GRIK2: variants seen among roughly 807,000 people sequenced by gnomAD.
GRIK2 encodes the protein glutamate receptor ionotropic, kainate 2.
GRIK2 carries 32 observed loss-of-function variants against 100.3 expected under a neutral mutation model. The ratio of observed to expected loss-of-function variants is 0.32; its 90% CI spans 0.24 to 0.43. The LOEUF (loss-of-function observed/expected upper bound fraction) is 0.43, where lower values mean the gene tolerates loss of function less well. GRIK2 is among the 20% of genes least tolerant of loss of function. The pLI is 1.00. For missense variants in GRIK2, 843 were observed against 1,114.9 expected, an observed-to-expected ratio of 0.76 and a Z score of 3.47; for synonymous variants, 417 against 389.4, an observed-to-expected ratio of 1.07 and a Z score of -0.83.
At chr6:102,021,178 A>G (rs1447837294) in intron 14 of GRIK2, among the ~76,000 whole-genome samples, 1 of 151,796 alleles carries the variant, frequency 6.6e-6, no homozygotes, top group South Asian at 2.1e-4. Context: ...TAGTTAAAGT[A>G]AAAGTTCAAA....
At chr6:101,518,080 A>G (rs1261056255) in intron 2 of GRIK2, among the ~76,000 whole-genome samples, 1 of 147,018 alleles carries the variant, frequency 6.8e-6, no homozygotes, top group Non-Finnish European at 1.5e-5. Flanking sequence ...CAAATAAGCT[A>G]TTATGAATGT....
At chr6:101,582,112 C>T (rs1039187565) in intron 2 of GRIK2, among the ~76,000 whole-genome samples, 13 of 151,740 alleles carry the variant, frequency 8.6e-5, no homozygotes, top group African/African-American at 2.9e-4. Context: ...GATACATGTG[C>T]AGAACGTACA....
chr6:101,816,058 A>G (rs1237697249), intron 9 of GRIK2, among the ~76,000 whole-genome samples: 1 of 152,166 alleles, frequency 6.6e-6, no homozygotes, highest in African/African-American at 2.4e-5. Context: ...TTATTTTTAT[A>G]AAAGTAATAA....
intron 2 of GRIK2, among the ~76,000 whole-genome samples, chr6:101,440,155 A>T (rs968454047): frequency 2.0e-5 from 3 of 152,158 alleles, no homozygotes; most frequent in African/African-American, 7.2e-5. Flanking sequence ...TCAAAGAAAA[A>T]TATTTCCCTG....
At chr6:101,782,988 G>T (rs570496510) in intron 7 of GRIK2, among the ~76,000 whole-genome samples, 1 of 151,486 alleles carries the variant, frequency 6.6e-6, no homozygotes, top group Non-Finnish European at 1.5e-5. Context: ...TCCTGAGTAG[G>T]TGGGACTACA....
At chr6:101,862,061 C>CT (rs1046207179) in intron 11 of GRIK2, among the ~76,000 whole-genome samples, 15 of 152,036 alleles carry the variant, frequency 9.9e-5, no homozygotes, top group African/African-American at 3.6e-4. Flanking sequence ...AAACAGTTTC[C>CT]TTTTTTTAGA....
At chr6:101,861,775 A>G (rs1414423928) in intron 11 of GRIK2, among the ~76,000 whole-genome samples, 1 of 152,164 alleles carries the variant, frequency 6.6e-6, no homozygotes, top group Non-Finnish European at 1.5e-5. Flanking sequence ...ACAGGGGACA[A>G]AGCTCTTGAC....
At chr6:101,629,515 T>G (rs1238875298) in intron 4 of GRIK2, among the ~76,000 whole-genome samples, 1 of 152,118 alleles carries the variant, frequency 6.6e-6, no homozygotes. Flanking sequence ...TAACTCATAT[T>G]TTTAATACTA....
chr6:101,491,868 C>CATAT (rs917878923), intron 2 of GRIK2, among the ~76,000 whole-genome samples: 3 of 150,802 alleles, frequency 2.0e-5, no homozygotes, highest in Admixed American at 6.7e-5. Flanking sequence ...TCATAGTTTG[C>CATAT]ATATATATAT....
chr6:101,641,337 C>A (rs1781270280), intron 4 of GRIK2, among the ~76,000 whole-genome samples: 1 of 151,768 alleles, frequency 6.6e-6, no homozygotes, highest in East Asian at 1.9e-4. Context: ...AACTTTTTAT[C>A]CAATTGAAAT....
At chr6:101,957,049 TA>T (rs1253970640) in intron 14 of GRIK2, among the ~76,000 whole-genome samples, 1 of 151,924 alleles carries the variant, frequency 6.6e-6, no homozygotes, top group Non-Finnish European at 1.5e-5. Context: ...GTTCTATTTT[TA>T]GTTCTTTGAG....
intron 2 of GRIK2, among the ~76,000 whole-genome samples, chr6:101,548,796 A>G (rs1434723490): frequency 6.6e-6 from 1 of 152,206 alleles, no homozygotes; most frequent in Non-Finnish European, 1.5e-5. Flanking sequence ...GAATCATTTA[A>G]TAAGTACAAA....
chr6:101,425,680 A>G (rs554435348), intron 2 of GRIK2, among the ~76,000 whole-genome samples: 2 of 152,318 alleles, frequency 1.3e-5, no homozygotes, highest in South Asian at 4.1e-4. Flanking sequence ...TCACAGGCCA[A>G]TTCAAATTTA....
chr6:101,948,557 A>G (rs865853738), intron 14 of GRIK2, among the ~76,000 whole-genome samples: 1 of 148,794 alleles, frequency 6.7e-6, no homozygotes, highest in Non-Finnish European at 1.5e-5. Context: ...ATAGTTATAT[A>G]TATACACATA....
chr6:101,478,268 G>A (rs1037547014), intron 2 of GRIK2, among the ~76,000 whole-genome samples: 10 of 151,734 alleles, frequency 6.6e-5, no homozygotes, highest in African/African-American at 7.3e-5. Flanking sequence ...TTTTAGTTTC[G>A]AAAAGACAAA....
intron 7 of GRIK2, among the ~76,000 whole-genome samples, chr6:101,782,403 T>C (rs1208130006): frequency 6.6e-6 from 1 of 152,194 alleles, no homozygotes. Context: ...TTCTCCTCTC[T>C]ACTTCCATGA....
intron 14 of GRIK2, among the ~76,000 whole-genome samples, chr6:101,982,734 A>T (rs1253871971): frequency 6.6e-6 from 1 of 151,492 alleles, no homozygotes; most frequent in Non-Finnish European, 1.5e-5. Context: ...TGGATTAGAC[A>T]TAAGTGTAGA....
At position 101,622,164 on chromosome 6, in the gene GRIK2, T is replaced by C. The variant is rs112418666; in HGVS notation, c.283+48T>C. 6.1e-5 allele frequency: 69 copies of C among 1,137,284 alleles called. No homozygotes were observed. In the Middle Eastern group the frequency reaches 8.0e-4, roughly 13 times the overall value. The allele number at this position is 1,137,284 out of a possible 1,614,324, so 70.4% of individuals were successfully genotyped here. A position where few individuals can be genotyped will look rare whatever the true frequency, so the allele number is the denominator to read the frequency against. ...CTTTGTTTCCTGGAATTCAAATTTC[T>C]AGGTATTCTTAAGAGATTTTTTTAT... On this transcript the variant is annotated intron_variant, in intron 3 of 16. Transcript: ENST00000369134.
chr6:101,836,661 A>AT lies in GRIK2; in HGVS notation c.1317+18200dup, dbSNP rs1194200766. On this transcript the variant is annotated intron_variant, in intron 10 of 16. Transcript: ENST00000369134. ...TGTATGTGTATATATATATATATATATTTTTTTTTTTTTTTTTTTTTTGAG... is the reference window on the plus strand; with the variant it reads ...TGTATGTGTATATATATATATATATATTTTTTTTTTTTTTTTTTTTTTTGAG... Among the ~76,000 whole-genome samples the AT allele has an allele frequency of 2.8e-3, 163 of 57,798 alleles. 6 individuals are homozygous for AT. Among genetic ancestry groups the AT allele is most frequent in the African/African-American group, 5.2e-3 (66 of 12,694 alleles). The allele number at this position is 57,798 out of a possible 152,430, so 37.9% of individuals were successfully genotyped here.
Sources: allele counts gnomAD v4.1 joint callset (sites outside exome capture counted in the v4.1 genomes callset), GRCh38; gene constraint gnomAD v4.1.1; transcripts MANE v1.5; gene names NCBI Gene and HGNC (gene_info 2026-07-23, HGNC 2026-07-21).